Variants in ATXN10 observed in about 807,000 individuals in gnomAD.
ATXN10 encodes ataxin 10.
A neutral mutation model predicts 52.9 loss-of-function variants in ATXN10; 28 were observed. The observed-to-expected ratio is 0.53, with a 90% CI of 0.39 to 0.73. The LOEUF (loss-of-function observed/expected upper bound fraction) is 0.73. Ranked by LOEUF, ATXN10 falls within the 30% of genes least tolerant of loss-of-function variation. The probability of loss-of-function intolerance (pLI) is 0.00; values close to 1 mark genes in which losing one functional copy is unlikely to be tolerated. For missense variants in ATXN10, 565 were observed against 577.0 expected (o/e 0.98, Z 0.21); for synonymous variants, 226 against 221.5 (o/e 1.02, Z -0.18).
At chr22:45,804,490 G>T (rs1928034798) in intron 9 of ATXN10, among the ~76,000 whole-genome samples, 1 of 152,150 alleles carries the variant, frequency 6.6e-6, no homozygotes, top group Non-Finnish European at 1.5e-5. Context: ...TAGCAAGCCT[G>T]TGTGTTAGAA....
rs1434566319 is a variant in ATXN10, at chr22:45,769,283, C to T, written c.1173+28745C>T. Among the ~76,000 whole-genome samples, 1 of 152,064 alleles carries T rather than the reference C, an allele frequency of 6.6e-6. No individual in the cohort carries two copies. Among genetic ancestry groups the T allele is most frequent in the East Asian group, 1.9e-4 (1 of 5,184 alleles). ...GTAACGTGTGCAGATGGGCGCCGTTCATCCCCTCTCCCCCATACAGACACA... is the reference window on the plus strand; with the variant it reads ...GTAACGTGTGCAGATGGGCGCCGTTTATCCCCTCTCCCCCATACAGACACA... On this transcript the variant is annotated intron_variant, in intron 9 of 11. Transcript: ENST00000252934. The surrounding 1 kb of genome is among the most constrained non-coding windows in gnomAD (Gnocchi z 4.2).
intron 9 of ATXN10, among the ~76,000 whole-genome samples, chr22:45,791,836 G>T (rs1236526075): frequency 2.0e-5 from 3 of 152,070 alleles, no homozygotes; most frequent in Non-Finnish European, 2.9e-5. Context: ...TGTTGTTTTG[G>T]AACAACTTGT....
chr22:45,740,691 CA>C, intron 9 of ATXN10, 153 bp downstream of exon 9: 1 of 385,266 alleles, frequency 2.6e-6, no homozygotes, highest in South Asian at 2.7e-5. Flanking sequence ...CACACACACA[CA>C]CACACACACA....
intron 5 of ATXN10, among the ~76,000 whole-genome samples, chr22:45,709,780 A>G (rs574763795): frequency 6.6e-6 from 1 of 152,330 alleles, no homozygotes; most frequent in South Asian, 2.1e-4. Flanking sequence ...TCTGAAATGT[A>G]TGAAGGCTGC....
intron 9 of ATXN10, among the ~76,000 whole-genome samples, chr22:45,753,922 G>C (rs1926083838): frequency 6.6e-6 from 1 of 152,150 alleles, no homozygotes. Flanking sequence ...TTCATTCTTT[G>C]TCTCTGCCCT....
rs191347843 is a variant in ATXN10 at position 45,728,386 on chromosome 22, G to T, written c.729-1039G>T. Among the ~76,000 whole-genome samples the T allele has an allele frequency of 1.3e-5, 2 of 152,140 alleles. No homozygotes were observed. Among genetic ancestry groups the T allele is most frequent in the Non-Finnish European group, 2.9e-5 (2 of 68,022 alleles). On this transcript the variant is annotated intron_variant, in intron 6 of 11. Coordinates refer to ENST00000252934, the MANE Select transcript of ATXN10 (RefSeq NM_013236.4). This position sits in a 1 kb window ranked among gnomAD's most constrained non-coding sequence, Gnocchi z 4.3. ...TAATTATTGTCACAAGAAATCTGAC[G>T]TTTTAGGAGTTTTGAGAATTGCTAA...
chr22:45,758,544 G>T (rs1403196498), intron 9 of ATXN10, among the ~76,000 whole-genome samples: 1 of 152,228 alleles, frequency 6.6e-6, no homozygotes, highest in Non-Finnish European at 1.5e-5. Context: ...TTGCTTTGAT[G>T]TGTTATTCTG....
At chr22:45,801,968 C>T (rs576062474) in intron 9 of ATXN10, among the ~76,000 whole-genome samples, 22 of 152,248 alleles carry the variant, frequency 1.4e-4, no homozygotes, top group Non-Finnish European at 2.4e-4. Context: ...GTTCAGAAAC[C>T]TCCCCAAGGT....
At position 45,775,019 on chromosome 22, in the gene ATXN10, A is replaced by G. The variant is rs1423403038; in HGVS notation, c.1174-31940A>G. Among the ~76,000 whole-genome samples the G allele has an allele frequency of 5.3e-5, 8 of 152,194 alleles. No homozygotes were observed. The highest frequency in any genetic ancestry group is 7.2e-5 in the African/African-American group (3 of 41,442). ...TGTTTGTTTGTTTTGCCTTTTCCCC[A>G]TCCCTTTTTCTGGTAGTTTGTAAAA... On this transcript the variant is annotated intron_variant, in intron 9 of 11. Transcript: ENST00000252934. This position sits in a 1 kb window ranked among gnomAD's most constrained non-coding sequence, Gnocchi z 4.7.
rs1926208355 is a variant in ATXN10, at chr22:45,757,278, T to C, written c.1173+16740T>C. Among the ~76,000 whole-genome samples the C allele has an allele frequency of 6.6e-6, 1 of 152,166 alleles. No homozygotes were observed. The highest frequency in any genetic ancestry group is 2.1e-4 in the South Asian group (1 of 4,830). On this transcript the variant is annotated intron_variant, in intron 9 of 11. Coordinates refer to ENST00000252934, the MANE Select transcript of ATXN10 (RefSeq NM_013236.4). The surrounding 1 kb of genome is among the most constrained non-coding windows in gnomAD (Gnocchi z 4.6). ...AATTCCAACCCTGGCGACTTTCAGCTACACCCTCCTCCCTCCCCTAGCCCC... is the reference window on the plus strand; with the variant it reads ...AATTCCAACCCTGGCGACTTTCAGCCACACCCTCCTCCCTCCCCTAGCCCC...
rs113887836 is a variant in ATXN10, at chr22:45,837,299, G to A, written c.1238-5692G>A. On this transcript the variant is annotated intron_variant, in intron 10 of 11. Transcript: ENST00000252934. The surrounding 1 kb of genome is among the most constrained non-coding windows in gnomAD (Gnocchi z 5.8). Reference sequence around the variant, plus strand: ...TTTTGAGACAGAGTCTTGCTCTGTCGCCCAGGCTGCAGTGCAGTGGCGCAA... The same window carrying A: ...TTTTGAGACAGAGTCTTGCTCTGTCACCCAGGCTGCAGTGCAGTGGCGCAA... 1.1e-4 allele frequency among the ~76,000 whole-genome samples: 17 copies of A among 152,106 alleles called. No homozygotes were observed. The highest frequency in any genetic ancestry group is 4.4e-5 in the Non-Finnish European group (3 of 67,990).
At chr22:45,777,215 T>G (rs1420494907) in intron 9 of ATXN10, among the ~76,000 whole-genome samples, 3 of 152,234 alleles carry the variant, frequency 2.0e-5, no homozygotes, top group Non-Finnish European at 4.4e-5. Flanking sequence ...TAGCCTATAA[T>G]TATCAAGATT....
At chr22:45,711,979 G>A (rs988303069) in intron 5 of ATXN10, among the ~76,000 whole-genome samples, 7 of 152,164 alleles carry the variant, frequency 4.6e-5, no homozygotes, top group Non-Finnish European at 7.4e-5. Flanking sequence ...GTGAAATGTT[G>A]TATGGAATAC....
At position 45,787,166 on chromosome 22, in the gene ATXN10, G is replaced by A. The variant is rs2146859838; in HGVS notation, c.1174-19793G>A. ...TCATTTTTTAACAAATTAAGTATAA[G>A]TATTTAATATATGTGCATTGAAAAA... On this transcript the variant is annotated intron_variant, in intron 9 of 11. Coordinates refer to ENST00000252934, the MANE Select transcript of ATXN10 (RefSeq NM_013236.4). This position sits in a 1 kb window ranked among gnomAD's most constrained non-coding sequence, Gnocchi z 4.2. Among the ~76,000 whole-genome samples, 1 of 152,248 alleles carries A rather than the reference G, an allele frequency of 6.6e-6. No individual in the cohort carries two copies. The highest frequency in any genetic ancestry group is 2.1e-4 in the South Asian group (1 of 4,822).
In ATXN10 at chr22:45,837,144, T is replaced by C. The variant is rs1929194303; in HGVS notation, c.1238-5847T>C. 6.6e-6 allele frequency among the ~76,000 whole-genome samples: 1 copy of C among 152,248 alleles called. No homozygotes were observed. Among genetic ancestry groups the C allele is most frequent in the African/African-American group, 2.4e-5 (1 of 41,466 alleles). Reference sequence around the variant, plus strand: ...AATATATGTATCTGTTATACAGATATTATAAATAAAGTCCATATATATCAG... The same window carrying C: ...AATATATGTATCTGTTATACAGATACTATAAATAAAGTCCATATATATCAG... On this transcript the variant is annotated intron_variant, in intron 10 of 11. Transcript: ENST00000252934. This position sits in a 1 kb window ranked among gnomAD's most constrained non-coding sequence, Gnocchi z 5.8.
At chr22:45,776,422 C>T (rs1028988354) in intron 9 of ATXN10, among the ~76,000 whole-genome samples, 1 of 152,012 alleles carries the variant, frequency 6.6e-6, no homozygotes, top group Non-Finnish European at 1.5e-5. Flanking sequence ...TCATTTTTTA[C>T]CCCTTAAAAT....
At chr22:45,722,089 A>G (rs1199996849) in intron 6 of ATXN10, among the ~76,000 whole-genome samples, 1 of 152,248 alleles carries the variant, frequency 6.6e-6, no homozygotes, top group African/African-American at 2.4e-5. Context: ...TGGTGAACTC[A>G]GAGCAGCCTG....
rs1273255621 is a variant in ATXN10, at chr22:45,712,949, A to G, written c.648-5464A>G. Among the ~76,000 whole-genome samples the G allele has an allele frequency of 6.6e-6, 1 of 152,198 alleles. No individual in the cohort carries two copies. Among genetic ancestry groups the G allele is most frequent in the Non-Finnish European group, 1.5e-5 (1 of 68,042 alleles). On this transcript the variant is annotated intron_variant, in intron 5 of 11. Coordinates refer to ENST00000252934, the MANE Select transcript of ATXN10 (RefSeq NM_013236.4). This position sits in a 1 kb window ranked among gnomAD's most constrained non-coding sequence, Gnocchi z 4.6. ...GGCATTTATTTTCCATAGCACATTT[A>G]AATCAAAATTTGTTTATGAGGTATA...
At chr22:45,691,339 G>T (rs1923367305) in intron 2 of ATXN10, among the ~76,000 whole-genome samples, 1 of 152,208 alleles carries the variant, frequency 6.6e-6, no homozygotes, top group African/African-American at 2.4e-5. Flanking sequence ...GGAAGGGAGT[G>T]AGCATTCGTT....
Sources: gnomAD v4.1 joint callset for allele counts (sites outside exome capture counted in the v4.1 genomes callset) on GRCh38, gnomAD v4.1.1 for gene constraint, Gnocchi (gnomAD v3.1) non-coding constraint, MANE v1.5 for transcripts, NCBI Gene and HGNC (gene_info 2026-07-23, HGNC 2026-07-21) for gene names.